CADPS2: variants seen among roughly 807,000 people sequenced by gnomAD.
CADPS2 encodes the protein calcium-dependent secretion activator 2.
A neutral mutation model predicts 172.5 loss-of-function variants in CADPS2; 93 were observed. The ratio of observed to expected loss-of-function variants is 0.54; its 90% CI spans 0.46 to 0.64. The LOEUF is 0.64. Ranked by LOEUF, CADPS2 falls within the 30% of genes least tolerant of loss-of-function variation. The probability of loss-of-function intolerance (pLI) is 0.00; values close to 1 mark genes in which losing one functional copy is unlikely to be tolerated. For missense variants in CADPS2, 1,420 were observed against 1,565.9 expected (o/e 0.91, Z 1.57); for synonymous variants, 546 against 555.2 (o/e 0.98, Z 0.23).
chr7:122,674,100 C>A (rs138119809), intron 2 of CADPS2, among the ~76,000 whole-genome samples: 1 of 152,112 alleles, frequency 6.6e-6, no homozygotes, highest in Admixed American at 6.5e-5. Context: ...CCGGGGCCAG[C>A]GGTGCTGGCT....
rs916033795 is a variant in CADPS2, at chr7:122,351,331, C to A, written c.3505-5650G>T. ...GAGCTTGCAGTGAGCCAAGATTGCG[C>A]CACTGCACTCCAGCCTGGGTGACAG... On this transcript the variant is annotated intron_variant, in intron 27 of 29. Transcript: ENST00000449022. Among the ~76,000 whole-genome samples the A allele has an allele frequency of 1.0e-3, 126 of 125,992 alleles. No individual in the cohort carries two copies. In the Middle Eastern group the frequency reaches 0.016, roughly 16 times the overall value. 82.7% of individuals were successfully genotyped at this position (125,992 alleles called of 152,430 possible). A position where few individuals can be genotyped will look rare whatever the true frequency, so the allele number is the denominator to read the frequency against.
At chr7:122,623,318 A>C (rs2134033414) in intron 4 of CADPS2, among the ~76,000 whole-genome samples, 1 of 152,242 alleles carries the variant, frequency 6.6e-6, no homozygotes, top group Admixed American at 6.5e-5. Flanking sequence ...AATGATCCAT[A>C]AAAAACATAT....
intron 8 of CADPS2, among the ~76,000 whole-genome samples, chr7:122,520,732 A>C (rs2060724355): frequency 6.6e-6 from 1 of 152,144 alleles, no homozygotes; most frequent in South Asian, 2.1e-4. Flanking sequence ...CAACACACAC[A>C]AATTCTCCAA....
chr7:122,776,672 G>T (rs1294640074), intron 1 of CADPS2, among the ~76,000 whole-genome samples: 1 of 152,130 alleles, frequency 6.6e-6, no homozygotes, highest in Non-Finnish European at 1.5e-5. Flanking sequence ...GAAGATGTGG[G>T]AAAGTTTAGA....
intron 14 of CADPS2, among the ~76,000 whole-genome samples, chr7:122,465,896 A>T (rs189344269): frequency 2.0e-5 from 3 of 152,298 alleles, no homozygotes; most frequent in African/African-American, 7.2e-5. Flanking sequence ...GTCAACATAG[A>T]TCTACAAATA....
intron 1 of CADPS2, among the ~76,000 whole-genome samples, chr7:122,838,753 A>C (rs1162215223): frequency 2.6e-5 from 4 of 152,226 alleles, no homozygotes; most frequent in Non-Finnish European, 4.4e-5. Flanking sequence ...GGAGAACTAC[A>C]AACCACTGCT....
intron 1 of CADPS2, among the ~76,000 whole-genome samples, chr7:122,873,418 G>A (rs1205564228): frequency 6.6e-6 from 1 of 152,146 alleles, no homozygotes; most frequent in Non-Finnish European, 1.5e-5. Flanking sequence ...AGAACATGCA[G>A]TGTTTGGTTT....
At chr7:122,835,216 T>C (rs1807984374) in intron 1 of CADPS2, among the ~76,000 whole-genome samples, 1 of 152,168 alleles carries the variant, frequency 6.6e-6, no homozygotes, top group African/African-American at 2.4e-5. Context: ...GACCTGCAGC[T>C]GAAGGTCCTG....
At position 122,828,044 on chromosome 7, in the gene CADPS2, T is replaced by C. The variant is rs114062075; in HGVS notation, c.339+57955A>G. ...TGCCAATAACTGTGGATGTCTGATT[T>C]TCCTTTCAGTTCTATTAATGTTCAC... is the stretch of plus-strand genomic sequence containing the variant. On this transcript the variant is annotated intron_variant, in intron 1 of 29. Coordinates refer to ENST00000449022, the MANE Select transcript of CADPS2 (RefSeq NM_017954.11). Among the ~76,000 whole-genome samples, 431 of 152,320 alleles carry C rather than the reference T, an allele frequency of 2.8e-3. 2 individuals carry two copies. The highest frequency in any genetic ancestry group is 0.01 in the African/African-American group (416 of 41,576).
chr7:122,471,258 TG>T, intron 14 of CADPS2, 116 bp downstream of exon 14: 1 of 648,218 alleles, frequency 1.5e-6, no homozygotes, highest in Non-Finnish European at 2.3e-6. Context: ...TTTTTTTCCT[TG>T]TAAGAAGTGT....
rs188928614 is a variant in CADPS2, at chr7:122,716,459, G to C, written c.453+20496C>G. Among the ~76,000 whole-genome samples, 136 of 152,192 alleles carry C rather than the reference G, an allele frequency of 8.9e-4. 1 individual carries two copies. The highest frequency in any genetic ancestry group is 2.9e-3 in the East Asian group (15 of 5,150). On this transcript the variant is annotated intron_variant, in intron 2 of 29. Coordinates refer to ENST00000449022, the MANE Select transcript of CADPS2 (RefSeq NM_017954.11). ...GCAAAGCTAACAGCCTAAAAGAGCA[G>C]GGGTAAGGGAGCTCCCAGTCAGCAG...
At chr7:122,356,553 A>T (rs763962428) in intron 27 of CADPS2, among the ~76,000 whole-genome samples, 1 of 152,132 alleles carries the variant, frequency 6.6e-6, no homozygotes, top group African/African-American at 2.4e-5. Flanking sequence ...CCCACACTTA[A>T]GGAGTAGGGA....
At chr7:122,494,319 G>A (rs1266213139) in intron 9 of CADPS2, among the ~76,000 whole-genome samples, 1 of 152,100 alleles carries the variant, frequency 6.6e-6, no homozygotes, top group Non-Finnish European at 1.5e-5. Context: ...GAAACAAATG[G>A]AGAAGTACTC....
Position 122,492,952 on chromosome 7 carries a change from T to C in CADPS2, c.1543-1532A>G, listed in dbSNP as rs115142039. On this transcript the variant is annotated intron_variant, in intron 9 of 29. Transcript: ENST00000449022. ...TATTTCCTTTTTCTGTTTTTAAACA[T>C]AAAATGAAACTAAGGAAACATAGTA... 5.2e-3 allele frequency among the ~76,000 whole-genome samples: 793 copies of C among 152,252 alleles called. 4 individuals carry two copies. Among genetic ancestry groups the C allele is most frequent in the African/African-American group, 0.018 (764 of 41,572 alleles).
chr7:122,617,262 A>G (rs1036957578), intron 5 of CADPS2, among the ~76,000 whole-genome samples: 4 of 152,230 alleles, frequency 2.6e-5, no homozygotes, highest in African/African-American at 9.6e-5. Context: ...TTCAAAAGAT[A>G]CAGCTTCTGT....
intron 27 of CADPS2, among the ~76,000 whole-genome samples, chr7:122,349,157 G>A (rs1232385156): frequency 6.6e-6 from 1 of 151,986 alleles, no homozygotes; most frequent in Non-Finnish European, 1.5e-5. Context: ...TACACATTCT[G>A]ATACAAATGC....
At chr7:122,883,780 T>G (rs1823569490) in intron 1 of CADPS2, among the ~76,000 whole-genome samples, 1 of 152,186 alleles carries the variant, frequency 6.6e-6, no homozygotes, top group South Asian at 2.1e-4. Flanking sequence ...TCACAAAAGT[T>G]AACCTGTGCT....
chr7:122,722,066 C>A (rs921647602), intron 2 of CADPS2, among the ~76,000 whole-genome samples: 3 of 152,244 alleles, frequency 2.0e-5, no homozygotes, highest in South Asian at 2.1e-4. Context: ...CTATCTATGA[C>A]AAACCCACAG....
chr7:122,438,877 A>T (rs376573524), intron 16 of CADPS2, among the ~76,000 whole-genome samples: 19 of 152,062 alleles, frequency 1.2e-4, no homozygotes, highest in Middle Eastern at 6.8e-3. Flanking sequence ...TGAGCAATAT[A>T]TTTGAGAACA....
Sources: allele counts gnomAD v4.1 joint callset (sites outside exome capture counted in the v4.1 genomes callset), GRCh38; gene constraint gnomAD v4.1.1; transcripts MANE v1.5; gene names NCBI Gene and HGNC (gene_info 2026-07-23, HGNC 2026-07-21).